TDRD12: variants seen among roughly 807,000 people sequenced by gnomAD.
The protein encoded by TDRD12 is tudor domain containing 12, also known as putative ATP-dependent RNA helicase TDRD12.
TDRD12 carries 158 observed loss-of-function variants against 133.5 expected under a neutral mutation model. That is an observed-to-expected ratio of 1.18 (90% CI 1.04 to 1.35). TDRD12 has a LOEUF of 1.35. Among genes scored for constraint, TDRD12 ranks in the 40% most tolerant of loss-of-function variants. The probability of loss-of-function intolerance (pLI) is 0.00; values close to 1 mark genes in which losing one functional copy is unlikely to be tolerated. For missense variants in TDRD12, 1,443 were observed against 1,321.3 expected, an observed-to-expected ratio of 1.09 and a Z score of -1.43; for synonymous variants, 460 against 477.9, an observed-to-expected ratio of 0.96 and a Z score of 0.49.
At chr19:32,733,326 TG>T (rs1384333886) in intron 2 of TDRD12, among the ~76,000 whole-genome samples, 1 of 151,734 alleles carries the variant, frequency 6.6e-6, no homozygotes, top group East Asian at 1.9e-4. Flanking sequence ...AAAAATTAGC[TG>T]GGCGTGGTGG....
At chr19:32,763,626 C>T (rs150882287) in intron 8 of TDRD12, among the ~76,000 whole-genome samples, 183 of 152,294 alleles carry the variant, frequency 1.2e-3, no homozygotes, top group Middle Eastern at 3.4e-3. Flanking sequence ...CTCTTCCTGT[C>T]GAAGCACGAG....
At chr19:32,779,599 C>A (rs1970703421) in intron 11 of TDRD12, among the ~76,000 whole-genome samples, 1 of 151,910 alleles carries the variant, frequency 6.6e-6, no homozygotes, top group Non-Finnish European at 1.5e-5. Flanking sequence ...TTTGGGTGTT[C>A]AAGAGAAACT....
chr19:32,722,174 C>T (rs1036621544), intron 1 of TDRD12, among the ~76,000 whole-genome samples: 1 of 152,158 alleles, frequency 6.6e-6, no homozygotes, highest in Non-Finnish European at 1.5e-5. Context: ...TCCTCTCCTC[C>T]AGTCAGATGT....
chr19:32,810,250 G>T, exon 23 of TDRD12: 2 of 1,518,542 alleles, frequency 1.3e-6, no homozygotes, highest in South Asian at 1.2e-5. Flanking sequence ...GGATTGTATG[G>T]ATTAGCAGAA....
chr19:32,742,740 A>G (rs778739637), intron 3 of TDRD12, 41 bp from the exon 4 acceptor site: 2 of 1,535,366 alleles, frequency 1.3e-6, no homozygotes, highest in South Asian at 1.2e-5. Context: ...TGTTATATAT[A>G]ATTTTCTATA....
At chr19:32,768,974 C>T (rs1970371300) in intron 8 of TDRD12, among the ~76,000 whole-genome samples, 1 of 152,094 alleles carries the variant, frequency 6.6e-6, no homozygotes, top group African/African-American at 2.4e-5. Flanking sequence ...AACTCCTGGC[C>T]TCAAGCAGTC....
chr19:32,721,365 GT>G (rs1380151046), intron 1 of TDRD12, among the ~76,000 whole-genome samples: 4 of 151,692 alleles, frequency 2.6e-5, no homozygotes, highest in Admixed American at 2.0e-4. Flanking sequence ...TTGTGGGATT[GT>G]TTTATTTTAT....
intron 4 of TDRD12, among the ~76,000 whole-genome samples, chr19:32,746,708 G>A (rs1250153637): frequency 2.3e-3 from 338 of 148,152 alleles, no homozygotes; most frequent in African/African-American, 7.7e-3. Flanking sequence ...GTGACAGAGA[G>A]GGGGAGAGAG....
Position 32,821,027 on chromosome 19 carries a change from G to A in TDRD12, c.3384-6G>A, listed in dbSNP as rs891545013. The A allele has an allele frequency of 7.2e-6, 11 of 1,535,290 alleles. No homozygotes were observed. Among genetic ancestry groups the A allele is most frequent in the South Asian group, 2.4e-5 (2 of 84,012 alleles). ...CCAGGTGTTAACCCCTGCCTCTCCC[G>A]TCTAGGACGCCTCCAGCAGAAGATG... On this transcript the variant is annotated splice_polypyrimidine_tract_variant and splice_region_variant and intron_variant, in intron 27 of 27. Transcript: ENST00000444215.
At chr19:32,801,215 A>G (rs1971378512) in intron 18 of TDRD12, among the ~76,000 whole-genome samples, 3 of 152,186 alleles carry the variant, frequency 2.0e-5, no homozygotes, top group South Asian at 4.1e-4. Flanking sequence ...AAAAAAAAAA[A>G]AAGAAGAAGA....
At chr19:32,729,778 CTTTTTT>C (rs1162347194) in intron 1 of TDRD12, among the ~76,000 whole-genome samples, 63 of 73,662 alleles carry the variant, frequency 8.6e-4, no homozygotes, top group African/African-American at 3.3e-3. Context: ...TTTTCTTTTT[CTTTTTT>C]TTTTTTTTTT....
rs1001128564 is a variant in TDRD12 at position 32,746,969 on chromosome 19, G to A, written c.441-1507G>A. 4.8e-5 allele frequency among the ~76,000 whole-genome samples: 7 copies of A among 144,864 alleles called. No homozygotes were observed. The Admixed American group carries it at 4.9e-4, about 10-fold the overall frequency. ...GAGAGAGGGGGAGAGACTGGCTGAG[G>A]TGGTTATTCTGTGAGAGAGAGGAGG... On this transcript the variant is annotated intron_variant, in intron 4 of 27. Transcript: ENST00000444215.
intron 11 of TDRD12, among the ~76,000 whole-genome samples, chr19:32,779,850 G>A (rs1452392541): frequency 6.6e-6 from 1 of 152,108 alleles, no homozygotes; most frequent in Non-Finnish European, 1.5e-5. Context: ...CTGAGCATAG[G>A]AGGGTGGAGT....
rs368542194 is a variant in TDRD12, at chr19:32,732,632, T to C, written c.183+749T>C. On this transcript the variant is annotated intron_variant, in intron 2 of 27. Transcript: ENST00000444215. Reference sequence around the variant, plus strand: ...CAGACTCAGCTCTCACTGCCCCTTGTCATGGTTGCCACAGCTCAGCTACTT... The same window carrying C: ...CAGACTCAGCTCTCACTGCCCCTTGCCATGGTTGCCACAGCTCAGCTACTT... Among the ~76,000 whole-genome samples the C allele has an allele frequency of 5.3e-5, 8 of 152,356 alleles. No homozygotes were observed. The South Asian group carries it at 8.3e-4, about 16-fold the overall frequency.
intron 7 of TDRD12, among the ~76,000 whole-genome samples, chr19:32,756,437 G>A (rs937604458): frequency 5.3e-5 from 8 of 152,152 alleles, no homozygotes; most frequent in African/African-American, 1.9e-4. Flanking sequence ...ACCCAGGCTG[G>A]AGTGCAGTGG....
intron 6 of TDRD12, among the ~76,000 whole-genome samples, chr19:32,753,134 T>C (rs530522850): frequency 1.9e-4 from 29 of 152,304 alleles, no homozygotes; most frequent in African/African-American, 6.7e-4. Flanking sequence ...GTTCCTTTTA[T>C]TGAAGAATGA....
intron 23 of TDRD12, among the ~76,000 whole-genome samples, chr19:32,810,905 C>A (rs1966980472): frequency 1.3e-5 from 2 of 151,728 alleles, no homozygotes; most frequent in African/African-American, 4.8e-5. Flanking sequence ...AAAAAACAAA[C>A]AAACAAAAAA....
At chr19:32,737,054 A>G (rs1169618609) in intron 2 of TDRD12, among the ~76,000 whole-genome samples, 1 of 152,186 alleles carries the variant, frequency 6.6e-6, no homozygotes, top group Admixed American at 6.5e-5. Context: ...TACAAAGCCT[A>G]TTTTGTAGTA....
intron 22 of TDRD12, among the ~76,000 whole-genome samples, chr19:32,809,147 T>C (rs767640131): frequency 1.3e-5 from 2 of 152,152 alleles, no homozygotes; most frequent in East Asian, 1.9e-4. Flanking sequence ...GGTGACATAG[T>C]GTCTGAGATT....
Sources: gnomAD v4.1 joint callset for allele counts (sites outside exome capture counted in the v4.1 genomes callset) on GRCh38, gnomAD v4.1.1 for gene constraint, MANE v1.5 for transcripts, NCBI Gene and HGNC (gene_info 2026-07-23, HGNC 2026-07-21) for gene names.